The following AREL1 variants were observed in gnomAD, a reference collection of about 807,000 sequenced individuals.
AREL1 encodes the protein apoptosis resistant E3 ubiquitin protein ligase 1.
In AREL1, 62 loss-of-function variants were observed where a neutral mutation model predicts 99.0. The ratio of observed to expected loss-of-function variants is 0.63; its 90% confidence interval spans 0.51 to 0.77. AREL1 has a LOEUF of 0.77. AREL1 is among the 30% of genes least tolerant of loss of function. The pLI is 0.00. For synonymous variants in AREL1, 380 were observed against 376.5 expected, an observed-to-expected ratio of 1.01 and a Z score of -0.11; for missense variants, 879 against 1,027.6, an observed-to-expected ratio of 0.86 and a Z score of 1.98.
rs774650439 is a variant in AREL1, at chr14:74,674,144, T to C, written c.1081-33A>G. 13 of 1,564,822 alleles carry C rather than the reference T, an allele frequency of 8.3e-6. No individual in the cohort carries two copies. In the Admixed American group the frequency reaches 1.9e-4, roughly 22 times the overall value. On this transcript the variant is annotated intron_variant, in intron 8 of 19. Transcript: ENST00000356357. Reference sequence around the variant, plus strand: ...ACCAACAGACAGGAAATGAAGTGAATGATAAATAAAAAGGCTCTATTTGGG... The same window carrying C: ...ACCAACAGACAGGAAATGAAGTGAACGATAAATAAAAAGGCTCTATTTGGG...
chr14:74,695,006 A>AAAAG (rs1263360558), intron 1 of AREL1, among the ~76,000 whole-genome samples: 1 of 150,680 alleles, frequency 6.6e-6, no homozygotes, highest in Non-Finnish European at 1.5e-5. Context: ...AAAAAAAAAA[A>AAAAG]AAAGAAAGAA....
At chr14:74,665,702 A>T (rs1356124924) in intron 17 of AREL1, among the ~76,000 whole-genome samples, 1 of 152,228 alleles carries the variant, frequency 6.6e-6, no homozygotes, top group African/African-American at 2.4e-5. Flanking sequence ...CATTAATGAC[A>T]TCAGAGCCTT....
chr14:74,672,841 A>C lies in AREL1; in HGVS notation c.1412T>G (p.Leu471Trp). ...TGAAATTTTACCTACCGATTCCAACAAGGCATGTCTGCTGACCTTCAGGGT... is the reference window on the plus strand; with the variant it reads ...TGAAATTTTACCTACCGATTCCAACCAGGCATGTCTGCTGACCTTCAGGGT... ...KVTLKVSRHA[L>W]LESSLKATRN... Residue 471 changes from leucine to tryptophan, a missense_variant, in exon 11 of 20, where the codon TTG (leucine) becomes TGG (tryptophan). Leu to Trp is a moderately conservative substitution (Grantham distance 61). Transcript: ENST00000356357. 6.2e-7 allele frequency: 1 copy of C among 1,614,176 alleles called. No homozygotes were observed. The highest frequency in any genetic ancestry group is 8.5e-7 in the Non-Finnish European group (1 of 1,180,022).
At chr14:74,685,319 C>A (rs1342975532) in intron 3 of AREL1, among the ~76,000 whole-genome samples, 1 of 152,144 alleles carries the variant, frequency 6.6e-6, no homozygotes, top group Admixed American at 6.6e-5. Context: ...TTTTCTCCTC[C>A]TTGACCGTTC....
At position 74,661,843 on chromosome 14, in the gene AREL1, C is replaced by G. The variant is rs913855945; in HGVS notation, c.*1877G>C. On this transcript the variant is annotated 3_prime_UTR_variant, in exon 20 of 20. Coordinates refer to ENST00000356357, the MANE Select transcript of AREL1 (RefSeq NM_001039479.2). Reference sequence around the variant, plus strand: ...AAATGACAGGTCTAGCCAAGACAATCAACTCAATCTCCAGGATCAGTCTCT... The same window carrying G: ...AAATGACAGGTCTAGCCAAGACAATGAACTCAATCTCCAGGATCAGTCTCT... The G allele has an allele frequency of 1.3e-5, 2 of 152,334 alleles. No individual in the cohort carries two copies. The highest frequency in any genetic ancestry group is 4.8e-5 in the African/African-American group (2 of 41,442). The allele number at this position is 152,334 out of a possible 1,614,324, so 9.4% of individuals were successfully genotyped here. A position where few individuals can be genotyped will look rare whatever the true frequency, so the allele number is the denominator to read the frequency against.
intron 1 of AREL1, among the ~76,000 whole-genome samples, chr14:74,699,664 C>A (rs1424993477): frequency 6.6e-6 from 1 of 151,988 alleles, no homozygotes; most frequent in African/African-American, 2.4e-5. Flanking sequence ...CAGAAATATG[C>A]CATAGGAACT....
chr14:74,698,525 G>A (rs1013990444), intron 1 of AREL1, among the ~76,000 whole-genome samples: 3 of 152,144 alleles, frequency 2.0e-5, no homozygotes, highest in Non-Finnish European at 4.4e-5. Context: ...TATATACTGG[G>A]CTACGTGATA....
chr14:74,688,019 C>CTTTTTTTTTTTT (rs764034669), intron 2 of AREL1, among the ~76,000 whole-genome samples: 1 of 108,704 alleles, frequency 9.2e-6, no homozygotes. Context: ...TGAGTACTTA[C>CTTTTTTTTTTTT]TTTTTTTTTT....
rs533909512 is a variant in AREL1 at position 74,662,440 on chromosome 14, G to A, written c.*1280C>T. On this transcript the variant is annotated 3_prime_UTR_variant, in exon 20 of 20. Transcript: ENST00000356357. ...AAACACAAATTTGGGAAGTCAATGA[G>A]ATTTTGAATCTTGAAATTATTTTCA... 29 of 397,262 alleles carry A rather than the reference G, an allele frequency of 7.3e-5. 2 individuals are homozygous for A. The South Asian group carries it at 3.5e-3, about 49-fold the overall frequency. 24.6% of individuals were successfully genotyped at this position (397,262 alleles called of 1,614,324 possible).
chr14:74,667,592 A>C lies in AREL1; in HGVS notation c.1917T>G (p.Val639=). Residue 639 remains valine (V), a splice_region_variant and synonymous_variant, in exon 16 of 20, where the codon GTT becomes GTG. Coordinates refer to ENST00000356357, the MANE Select transcript of AREL1 (RefSeq NM_001039479.2). The stretch of plus-strand genomic sequence containing the variant: ...GAGCTCCACCTGTCATGAGTTCTAC[A>C]ACCTGTAACAGGCAGCAAAAGACAG... ...KYNKSGQLDK[V]VELMTGGAQT... The C allele has an allele frequency of 6.2e-7, 1 of 1,606,238 alleles. No homozygotes were observed. The highest frequency in any genetic ancestry group is 8.5e-7 in the Non-Finnish European group (1 of 1,175,960).
chr14:74,678,133 T>C (rs760324944), intron 5 of AREL1: 15 of 447,696 alleles, frequency 3.4e-5, no homozygotes, highest in Non-Finnish European at 4.9e-5. Context: ...GGAACTAGAA[T>C]ACTAAAACAA....
intron 4 of AREL1, among the ~76,000 whole-genome samples, chr14:74,683,873 AC>A (rs1378308285): frequency 1.3e-5 from 2 of 152,200 alleles, no homozygotes; most frequent in African/African-American, 2.4e-5. Context: ...ATCAATGCTA[AC>A]CCAAATTTAA....
chr14:74,707,110 A>G (rs1053767091), intron 1 of AREL1, among the ~76,000 whole-genome samples: 4 of 152,076 alleles, frequency 2.6e-5, no homozygotes, highest in Non-Finnish European at 5.9e-5. Context: ...ACTCATGCCT[A>G]TAATCCCAGC....
chr14:74,671,714 T>C (rs967796420), intron 11 of AREL1, among the ~76,000 whole-genome samples: 6 of 152,260 alleles, frequency 3.9e-5, no homozygotes, highest in Non-Finnish European at 7.3e-5. Context: ...CATCACTTTG[T>C]TGGAAAGCTG....
rs1399183713 is a variant in AREL1 at position 74,676,756 on chromosome 14, G to C, written c.482-4C>G. On this transcript the variant is annotated splice_region_variant and splice_polypyrimidine_tract_variant and intron_variant, in intron 5 of 19. Coordinates refer to ENST00000356357, the MANE Select transcript of AREL1 (RefSeq NM_001039479.2). ...GTCTTAGAAGGAACCACCATTCCTG[G>C]AACAAAGACAATGGAATCTAACATT... 1.3e-6 allele frequency: 2 copies of C among 1,570,310 alleles called. No individual in the cohort carries two copies. The highest frequency in any genetic ancestry group is 2.4e-5 in the South Asian group (2 of 82,212).
Position 74,684,584 on chromosome 14 carries a change from C to T in AREL1, c.113G>A (p.Arg38His), listed in dbSNP as rs202176590. The T allele has an allele frequency of 1.5e-4, 235 of 1,614,116 alleles. 1 individual carries two copies. The highest frequency in any genetic ancestry group is 8.2e-4 in the South Asian group (75 of 91,078). Residue 38 changes from arginine to histidine, a missense_variant, in exon 4 of 20, where the codon CGC becomes CAC. By Grantham distance (29) the Arg-to-His change is conservative. Transcript: ENST00000356357. ...AATAGTCCGGTCCCCTCGGCGCTCG[C>T]GGTCCTCATTCTGGAGGAAGCTGAC... ...RVVSFLQNED[R>H]ERRGDRTIYD...
At chr14:74,712,060 A>G (rs1257169165) in intron 1 of AREL1, 16 of 47,458 alleles carry the variant, frequency 3.4e-4, no homozygotes, top group African/African-American at 6.6e-4. Context: ...AAAAAAAAAA[A>G]AAAAAAAGAA....
intron 5 of AREL1, 40 bp from the exon 6 acceptor site, chr14:74,676,792 A>AT (rs1316373648): frequency 1.8e-5 from 26 of 1,424,772 alleles, no homozygotes; most frequent in South Asian, 3.1e-5. Context: ...TATTTATTTT[A>AT]TTTTTTTATT....
Position 74,671,421 on chromosome 14 carries a change from GA to G in AREL1, c.1484del (p.Phe495SerfsTer19). On this transcript the variant is annotated frameshift_variant, in exon 12 of 20. Coordinates refer to ENST00000356357, the MANE Select transcript of AREL1 (RefSeq NM_001039479.2). LOFTEE classifies it high-confidence loss of function. The part of the protein sequence containing the change: ...SDWSKNFEVV[F>X]QDEEALDWGG... ...TTCAAAACTGACCTTCTTCATCCTG[GA>G]AAACAACCTCAAAGTTCTTGCTCCA... The G allele has an allele frequency of 6.6e-7, 1 of 1,513,586 alleles. No individual in the cohort carries two copies. Among genetic ancestry groups the G allele is most frequent in the Non-Finnish European group, 8.9e-7 (1 of 1,126,648 alleles). 93.8% of individuals were successfully genotyped at this position (1,513,586 alleles called of 1,614,324 possible). A position where few individuals can be genotyped will look rare whatever the true frequency, so the allele number is the denominator to read the frequency against.
Sources: allele counts gnomAD v4.1 joint callset (sites outside exome capture counted in the v4.1 genomes callset), GRCh38; gene constraint gnomAD v4.1.1; transcripts MANE v1.5; gene names NCBI Gene and HGNC (gene_info 2026-07-23, HGNC 2026-07-21).